The following EXOC6 variants were observed in gnomAD, a reference collection of about 807,000 sequenced individuals.
The protein encoded by EXOC6 is SEC15-like 1.
EXOC6 carries 60 observed loss-of-function variants against 112.5 expected under a neutral mutation model. The ratio of observed to expected loss-of-function variants is 0.53; its 90% confidence interval spans 0.43 to 0.66. The LOEUF is 0.66. EXOC6 is among the 30% of genes least tolerant of loss of function. The pLI is 0.00. For synonymous variants in EXOC6, 295 were observed against 308.0 expected (o/e 0.96, Z 0.44); for missense variants, 855 against 957.1 (o/e 0.89, Z 1.41).
chr10:92,876,921 C>T (rs1247740631), intron 1 of EXOC6, among the ~76,000 whole-genome samples: 2 of 151,634 alleles, frequency 1.3e-5, no homozygotes, highest in Non-Finnish European at 2.9e-5. Flanking sequence ...TTCATTCATT[C>T]CGGAGGTAAA....
intron 20 of EXOC6, among the ~76,000 whole-genome samples, chr10:93,038,063 A>T (rs965198370): frequency 1.3e-5 from 2 of 149,724 alleles, no homozygotes; most frequent in African/African-American, 4.9e-5. Context: ...AAAAAAAAAA[A>T]AAATTTTTCT....
chr10:92,912,551 TTAACA>T (rs1383635808), intron 6 of EXOC6, among the ~76,000 whole-genome samples: 12 of 152,258 alleles, frequency 7.9e-5, no homozygotes, highest in African/African-American at 2.4e-4. Flanking sequence ...AAGTAATTCT[TTAACA>T]TAACATCTAT....
Position 93,049,271 on chromosome 10 carries a change from C to T in EXOC6, c.2170-7653C>T, listed in dbSNP as rs191651076. 2.9e-3 allele frequency among the ~76,000 whole-genome samples: 435 copies of T among 152,134 alleles called. 2 individuals are homozygous for T. Among genetic ancestry groups the T allele is most frequent in the African/African-American group, 9.9e-3 (409 of 41,512 alleles). Reference sequence around the variant, plus strand: ...AGAGACAGGGTTTCACTGTATTAGCCAGGATGGTCTCGATCTCCTGTCCTC... The same window carrying T: ...AGAGACAGGGTTTCACTGTATTAGCTAGGATGGTCTCGATCTCCTGTCCTC... On this transcript the variant is annotated intron_variant, in intron 20 of 21. Transcript: ENST00000260762.
intron 17 of EXOC6, among the ~76,000 whole-genome samples, chr10:92,966,283 T>TAA (rs779675016): frequency 0.013 from 1,672 of 129,974 alleles, 19 homozygotes; most frequent in Non-Finnish European, 0.018. Context: ...GTAATTATAA[T>TAA]TATTATTATT....
intron 20 of EXOC6, among the ~76,000 whole-genome samples, chr10:93,023,092 G>T (rs1441482080): frequency 3.3e-5 from 4 of 121,828 alleles, no homozygotes; most frequent in Non-Finnish European, 6.4e-5. Context: ...CCTTTTCATA[G>T]TACTTATAAG....
intron 18 of EXOC6, among the ~76,000 whole-genome samples, chr10:92,989,415 AC>A (rs1395832181): frequency 6.6e-6 from 1 of 152,182 alleles, no homozygotes; most frequent in Non-Finnish European, 1.5e-5. Context: ...TAAAGATGAT[AC>A]CAGTACTGAT....
intron 17 of EXOC6, among the ~76,000 whole-genome samples, chr10:92,968,229 G>C (rs1313059541): frequency 6.7e-6 from 1 of 149,356 alleles, no homozygotes; most frequent in African/African-American, 2.5e-5. Flanking sequence ...CTGTCACCCA[G>C]GCTGCAGTGC....
In EXOC6 at chr10:92,938,324, A is replaced by G. The variant is rs1376901652; in HGVS notation, c.1213-2403A>G. 3.9e-5 allele frequency among the ~76,000 whole-genome samples: 6 copies of G among 152,212 alleles called. No individual in the cohort carries two copies. The South Asian group carries it at 1.2e-3, about 32-fold the overall frequency. On this transcript the variant is annotated intron_variant, in intron 12 of 21. Coordinates refer to ENST00000260762, the MANE Select transcript of EXOC6 (RefSeq NM_019053.6). ...TTCCTACTTTTTCAGTTTCTACAGT[A>G]TTTTCATTTCACTCAAAGCTGACAG...
chr10:92,882,442 G>A (rs1849012691), intron 1 of EXOC6, among the ~76,000 whole-genome samples: 1 of 151,554 alleles, frequency 6.6e-6, no homozygotes, highest in South Asian at 2.1e-4. Context: ...TATTTGGGAG[G>A]CTGAGGCAGG....
chr10:92,941,584 T>C (rs1433658911), intron 13 of EXOC6, among the ~76,000 whole-genome samples: 2 of 152,204 alleles, frequency 1.3e-5, no homozygotes, highest in Non-Finnish European at 2.9e-5. Flanking sequence ...TGTAAATTTT[T>C]CCTAGTAAAT....
intron 20 of EXOC6, among the ~76,000 whole-genome samples, chr10:93,034,182 C>T (rs1004058697): frequency 2.6e-5 from 4 of 152,152 alleles, no homozygotes; most frequent in Non-Finnish European, 5.9e-5. Flanking sequence ...TTATGTGAAG[C>T]TTGCAGTAAA....
chr10:92,877,884 T>C (rs965360241), intron 1 of EXOC6, among the ~76,000 whole-genome samples: 1 of 152,246 alleles, frequency 6.6e-6, no homozygotes, highest in Non-Finnish European at 1.5e-5. Flanking sequence ...GTAAAAATAG[T>C]ACAAACCTCA....
intron 20 of EXOC6, among the ~76,000 whole-genome samples, chr10:93,014,531 A>T (rs1395485746): frequency 2.0e-5 from 3 of 152,186 alleles, no homozygotes. Context: ...CTAAATCATA[A>T]CTTTGTAGCT....
chr10:93,050,779 A>AAAAAAAAAAAAAAG (rs1846250532), intron 20 of EXOC6, among the ~76,000 whole-genome samples: 1 of 147,940 alleles, frequency 6.8e-6, no homozygotes, highest in Non-Finnish European at 1.5e-5. Context: ...AAAAAAAAAA[A>AAAAAAAAAAAAAAG]AAGAATTGCT....
At chr10:92,970,484 G>C (rs1842252489) in intron 17 of EXOC6, among the ~76,000 whole-genome samples, 2 of 152,182 alleles carry the variant, frequency 1.3e-5, no homozygotes, top group Admixed American at 6.5e-5. Context: ...GGAGATCCCG[G>C]AACCAATCTC....
intron 1 of EXOC6, among the ~76,000 whole-genome samples, chr10:92,836,810 A>G (rs1052823577): frequency 7.9e-5 from 12 of 152,128 alleles, no homozygotes; most frequent in African/African-American, 2.9e-4. Context: ...GTGGCCAAAT[A>G]CGAGGGTTGA....
At chr10:93,036,376 G>C (rs529436501) in intron 20 of EXOC6, among the ~76,000 whole-genome samples, 1 of 152,020 alleles carries the variant, frequency 6.6e-6, no homozygotes, top group South Asian at 2.1e-4. Context: ...TTTTGGGGGA[G>C]GTATGTTATA....
chr10:92,973,082 C>G (rs762506302), intron 17 of EXOC6, among the ~76,000 whole-genome samples: 27 of 152,302 alleles, frequency 1.8e-4, no homozygotes, highest in Non-Finnish European at 3.4e-4. Flanking sequence ...TTGACAGCTG[C>G]CCCTGGGGAA....
chr10:92,911,125 A>G (rs1850735061), intron 6 of EXOC6, among the ~76,000 whole-genome samples: 1 of 152,224 alleles, frequency 6.6e-6, no homozygotes, highest in African/African-American at 2.4e-5. Flanking sequence ...GAAATGAAAC[A>G]ATGTCATAGA....
Sources: allele counts gnomAD v4.1 joint callset (sites outside exome capture counted in the v4.1 genomes callset), GRCh38; gene constraint gnomAD v4.1.1; transcripts MANE v1.5; gene names NCBI Gene and HGNC (gene_info 2026-07-23, HGNC 2026-07-21).